Variants in PREX2 observed in about 807,000 individuals in gnomAD.
PREX2 encodes phosphatidylinositol 3,4,5-trisphosphate-dependent Rac exchanger 2 protein.
PREX2 carries 107 observed loss-of-function variants against 203.2 expected under a neutral mutation model. That is an observed-to-expected ratio of 0.53 (90% CI 0.45 to 0.62). The LOEUF is 0.62. Among genes scored for constraint, PREX2 ranks in the 20% least tolerant of loss-of-function variants. The probability of loss-of-function intolerance (pLI) is 0.00; values close to 1 mark genes in which losing one functional copy is unlikely to be tolerated. For synonymous variants in PREX2, 672 were observed against 663.6 expected (o/e 1.01, Z -0.19); for missense variants, 1,777 against 1,955.9 (o/e 0.91, Z 1.72).
intron 4 of PREX2, among the ~76,000 whole-genome samples, chr8:68,025,772 A>G (rs1349388145): frequency 6.6e-6 from 1 of 152,052 alleles, no homozygotes; most frequent in Non-Finnish European, 1.5e-5. Flanking sequence ...GTCAGGAAAC[A>G]TATTCTTCAT....
chr8:68,182,677 G>A (rs955181273), intron 35 of PREX2, among the ~76,000 whole-genome samples: 6 of 151,714 alleles, frequency 4.0e-5, no homozygotes, highest in African/African-American at 1.2e-4. Context: ...AATAAAGTTC[G>A]ATTCAGTTCA....
At chr8:68,120,766 T>A (rs987859102) in intron 29 of PREX2, among the ~76,000 whole-genome samples, 155 bp from the exon 30 acceptor site, 1 of 152,158 alleles carries the variant, frequency 6.6e-6, no homozygotes, top group Non-Finnish European at 1.5e-5. Context: ...GGTTTGACTT[T>A]TTACATTTAA....
chr8:67,988,718 A>G (rs1806510165), intron 1 of PREX2, among the ~76,000 whole-genome samples: 1 of 152,154 alleles, frequency 6.6e-6, no homozygotes, highest in African/African-American at 2.4e-5. Flanking sequence ...CTCCTTGACC[A>G]GCTCAGCCTT....
intron 8 of PREX2, among the ~76,000 whole-genome samples, chr8:68,046,931 A>G (rs1009639670): frequency 1.3e-5 from 2 of 152,024 alleles, no homozygotes; most frequent in African/African-American, 4.8e-5. Context: ...GAAGGATAGG[A>G]TCTTGGTGAT....
intron 30 of PREX2, among the ~76,000 whole-genome samples, chr8:68,124,141 T>C (rs1810839963): frequency 6.6e-6 from 1 of 152,078 alleles, no homozygotes. Flanking sequence ...TGGTTCATCA[T>C]ATAAACAAAG....
At chr8:68,103,098 G>T (rs1405279994) in intron 23 of PREX2, 2 of 408,102 alleles carry the variant, frequency 4.9e-6, no homozygotes, top group Middle Eastern at 7.1e-4. Flanking sequence ...ATATTCAAGA[G>T]ATAGTTCCTG....
intron 1 of PREX2, among the ~76,000 whole-genome samples, chr8:67,961,415 T>C (rs2129017391): frequency 6.6e-6 from 1 of 152,232 alleles, no homozygotes; most frequent in Non-Finnish European, 1.5e-5. Context: ...ATCTTTGATT[T>C]AATTATAATT....
intron 37 of PREX2, among the ~76,000 whole-genome samples, chr8:68,205,184 C>T (rs1443952063): frequency 6.6e-6 from 1 of 152,310 alleles, no homozygotes; most frequent in East Asian, 1.9e-4. Context: ...TGAGTAACTA[C>T]TGGCTTTTGA....
At chr8:67,978,529 A>G (rs1286139028) in intron 1 of PREX2, among the ~76,000 whole-genome samples, 1 of 152,148 alleles carries the variant, frequency 6.6e-6, no homozygotes, top group Non-Finnish European at 1.5e-5. Flanking sequence ...CGTATTATTG[A>G]CTGGAGCTGT....
At chr8:67,955,416 A>C (rs1411589236) in intron 1 of PREX2, among the ~76,000 whole-genome samples, 2 of 151,722 alleles carry the variant, frequency 1.3e-5, no homozygotes, top group Non-Finnish European at 2.9e-5. Context: ...TCAGCTGGCT[A>C]CTCTTTCCAT....
At chr8:68,067,116 C>G (rs1809038337) in intron 11 of PREX2, among the ~76,000 whole-genome samples, 1 of 152,002 alleles carries the variant, frequency 6.6e-6, no homozygotes, top group Non-Finnish European at 1.5e-5. Flanking sequence ...CTGTTTTTAT[C>G]AGTGTGGCTT....
chr8:68,053,010 G>A, intron 8 of PREX2, 87 bp from the exon 9 acceptor site: 1 of 1,212,350 alleles, frequency 8.2e-7, no homozygotes, highest in Non-Finnish European at 1.2e-6. Context: ...CAGTGGTTTT[G>A]GAACTTTTGT....
At chr8:68,217,528 T>G (rs1290094418) in intron 37 of PREX2, 88 bp from the exon 38 acceptor site, 1 of 925,004 alleles carries the variant, frequency 1.1e-6, no homozygotes, top group Non-Finnish European at 1.7e-6. Context: ...TGGCTGGTGC[T>G]TTCTGATTTT....
At chr8:68,042,851 G>T (rs997888027) in intron 7 of PREX2, among the ~76,000 whole-genome samples, 1 of 151,900 alleles carries the variant, frequency 6.6e-6, no homozygotes, top group Non-Finnish European at 1.5e-5. Flanking sequence ...TGCAGCCTAA[G>T]AGAAATATAC....
intron 8 of PREX2, among the ~76,000 whole-genome samples, chr8:68,045,189 C>A: frequency 6.6e-6 from 1 of 150,702 alleles, no homozygotes. Flanking sequence ...TAGTCACAAA[C>A]ATTAAGTAAA....
At position 68,038,263 on chromosome 8, in the gene PREX2, T is replaced by C; in HGVS notation, c.810T>C (p.Asn270=). The change falls in exon 7 of 40, where the codon AAT becomes AAC. Residue 270 remains asparagine (N), a synonymous_variant. Transcript: ENST00000288368. ...AACGGGTGTTTTTTCTTTTCGATAA[T>C]CTTTTGGTGTACTGCAAAAGAAAAC... ...IQERVFFLFD[N]LLVYCKRKHR... 1 of 1,613,864 alleles carries C rather than the reference T, an allele frequency of 6.2e-7. No individual in the cohort carries two copies. Among genetic ancestry groups the C allele is most frequent in the Non-Finnish European group, 8.5e-7 (1 of 1,179,882 alleles).
Position 68,096,898 on chromosome 8 carries a change from A to T in PREX2, c.2369-119A>T, listed in dbSNP as rs1810095036. On this transcript the variant is annotated intron_variant, in intron 21 of 39. Coordinates refer to ENST00000288368, the MANE Select transcript of PREX2 (RefSeq NM_024870.4). ...CAAGAATAGATGCTTCATTTAACAC[A>T]TCAGATTTAACCATCCCTTAAAGAA... is the stretch of plus-strand genomic sequence containing the variant. The T allele has an allele frequency of 3.9e-6, 3 of 776,850 alleles. No homozygotes were observed. In the Admixed American group the frequency reaches 7.5e-5, roughly 19 times the overall value. The allele number at this position is 776,850 out of a possible 1,614,324, so 48.1% of individuals were successfully genotyped here.
At chr8:67,953,149 C>T (rs1269844085) in intron 1 of PREX2, among the ~76,000 whole-genome samples, 1 of 151,224 alleles carries the variant, frequency 6.6e-6, no homozygotes, top group Non-Finnish European at 1.5e-5. Flanking sequence ...TGGCGCTCAC[C>T]CTGTCCTAGT....
At chr8:68,224,655 C>T in intron 39 of PREX2, 29 bp downstream of exon 39, 2 of 1,575,836 alleles carry the variant, frequency 1.3e-6, no homozygotes. Context: ...CTGCCCTTGC[C>T]CGAAAGATTT....
Sources: gnomAD v4.1 joint callset for allele counts (sites outside exome capture counted in the v4.1 genomes callset) on GRCh38, gnomAD v4.1.1 for gene constraint, MANE v1.5 for transcripts, NCBI Gene and HGNC (gene_info 2026-07-23, HGNC 2026-07-21) for gene names.